Variants in CTNNA2 observed in about 807,000 individuals in gnomAD.
CTNNA2 encodes catenin alpha-2.
A neutral mutation model predicts 101.0 loss-of-function variants in CTNNA2; 42 were observed. That is an observed-to-expected ratio of 0.42 (90% confidence interval 0.32 to 0.54). The LOEUF (loss-of-function observed/expected upper bound fraction) is 0.54. Ranked by LOEUF, CTNNA2 falls within the 20% of genes least tolerant of loss-of-function variation. The pLI, the probability that CTNNA2 is intolerant of heterozygous loss-of-function variation, is 0.14. For synonymous variants in CTNNA2, 450 were observed against 456.4 expected, an observed-to-expected ratio of 0.99 and a Z score of 0.18; for missense variants, 871 against 1,223.1, an observed-to-expected ratio of 0.71 and a Z score of 4.29.
intron 4 of CTNNA2, among the ~76,000 whole-genome samples, chr2:79,409,075 T>A (rs1407810452): frequency 6.6e-6 from 1 of 152,080 alleles, no homozygotes; most frequent in Non-Finnish European, 1.5e-5. Context: ...TTTCATGTGT[T>A]TTTTGGCTGC....
Position 80,555,732 on chromosome 2 carries a change from C to A in CTNNA2, c.1580C>A (p.Ala527Asp), listed in dbSNP as rs773134723. Reference sequence around the variant, plus strand: ...GAGGATGTGAACAAGTGTGTGATAGCCCTCCAAGAGGGCGATGTGGACACT... The same window carrying A: ...GAGGATGTGAACAAGTGTGTGATAGACCTCCAAGAGGGCGATGTGGACACT... The part of the protein sequence containing the change: ...ILEDVNKCVI[A>D]LQEGDVDTLD... The change falls in exon 12 of 19, where the codon GCC becomes GAC. Residue 527 changes from alanine to aspartate, a missense_variant. By Grantham distance (126) the Ala-to-Asp change is moderately radical. Coordinates refer to ENST00000402739, the MANE Select transcript of CTNNA2 (RefSeq NM_001282597.3). 1 of 1,575,960 alleles carries A rather than the reference C, an allele frequency of 6.3e-7. No individual in the cohort carries two copies. The highest frequency in any genetic ancestry group is 8.6e-7 in the Non-Finnish European group (1 of 1,161,012).
intron 1 of CTNNA2, among the ~76,000 whole-genome samples, chr2:79,585,171 G>A (rs900420619): frequency 1.1e-4 from 16 of 151,670 alleles, no homozygotes; most frequent in African/African-American, 3.6e-4. Flanking sequence ...ATTTTCTTCT[G>A]TATATATAAA....
intron 1 of CTNNA2, among the ~76,000 whole-genome samples, chr2:79,629,196 A>G (rs1033257421): frequency 2.4e-4 from 36 of 152,176 alleles, no homozygotes; most frequent in African/African-American, 8.2e-4. Context: ...AGCAAGATAA[A>G]TTGCTGGGAG....
intron 2 of CTNNA2, among the ~76,000 whole-genome samples, chr2:79,289,032 T>G (rs913429330): frequency 1.3e-5 from 2 of 152,362 alleles, no homozygotes; most frequent in African/African-American, 4.8e-5. Context: ...TTTTTGTTTG[T>G]TTCATAATAG....
chr2:79,720,014 T>G (rs1436198672), intron 2 of CTNNA2, among the ~76,000 whole-genome samples: 1 of 152,216 alleles, frequency 6.6e-6, no homozygotes, highest in East Asian at 1.9e-4. Flanking sequence ...TCTAGAATTT[T>G]TATAGTTTGT....
intron 3 of CTNNA2, among the ~76,000 whole-genome samples, chr2:79,807,883 T>G (rs1331647447): frequency 6.6e-6 from 1 of 152,120 alleles, no homozygotes; most frequent in Non-Finnish European, 1.5e-5. Context: ...CGATTTACAT[T>G]TATGAAACTT....
intron 1 of CTNNA2, among the ~76,000 whole-genome samples, chr2:79,632,748 A>G (rs1218080706): frequency 6.6e-6 from 1 of 152,232 alleles, no homozygotes; most frequent in Non-Finnish European, 1.5e-5. Context: ...TGGGGCATCC[A>G]AAATGGCCCC....
In CTNNA2 at chr2:79,673,074, G is replaced by A. The variant is rs114881306; in HGVS notation, c.102+21416G>A. On this transcript the variant is annotated intron_variant, in intron 2 of 18. Transcript: ENST00000402739. ...GTTTATATTGTCAATATTTACCAAT[G>A]ACATTAAATATTCTTCTGTGTGAAT... Among the ~76,000 whole-genome samples, 751 of 152,206 alleles carry A rather than the reference G, an allele frequency of 4.9e-3. 5 individuals are homozygous for A. Among genetic ancestry groups the A allele is most frequent in the African/African-American group, 0.017 (708 of 41,534 alleles).
chr2:79,652,259 A>G lies in CTNNA2; in HGVS notation c.102+601A>G, dbSNP rs1193725807. On this transcript the variant is annotated intron_variant, in intron 2 of 18. Coordinates refer to ENST00000402739, the MANE Select transcript of CTNNA2 (RefSeq NM_001282597.3). ...TGTGATTTTTTTTTTTTTTTTACCA[A>G]ATTATAATAGAGGCATTTGTATTGT... Among the ~76,000 whole-genome samples the G allele has an allele frequency of 3.3e-5, 5 of 149,848 alleles. No individual in the cohort carries two copies. In the East Asian group the frequency reaches 7.8e-4, roughly 23 times the overall value.
chr2:79,572,501 A>G (rs1424606287), intron 1 of CTNNA2, among the ~76,000 whole-genome samples: 4 of 152,068 alleles, frequency 2.6e-5, no homozygotes, highest in Non-Finnish European at 5.9e-5. Flanking sequence ...TGTAATCCCA[A>G]CACTCTCTGG....
chr2:80,386,543 A>G (rs888277158), intron 7 of CTNNA2, among the ~76,000 whole-genome samples: 1 of 152,224 alleles, frequency 6.6e-6, no homozygotes, highest in African/African-American at 2.4e-5. Context: ...CAAAAATGAT[A>G]GTGTGACTGT....
chr2:80,369,580 C>T (rs951043841), intron 7 of CTNNA2, among the ~76,000 whole-genome samples: 3 of 151,978 alleles, frequency 2.0e-5, no homozygotes, highest in Admixed American at 1.3e-4. Context: ...AGGATATCCA[C>T]GTACTAAGTC....
chr2:80,224,118 T>C (rs77789274), intron 7 of CTNNA2, among the ~76,000 whole-genome samples: 2,148 of 152,242 alleles, frequency 0.014, 55 homozygotes, highest in African/African-American at 0.048. Context: ...TGTCTTCTGT[T>C]CTCATGTCCC....
At chr2:79,711,574 C>T (rs1482425290) in intron 2 of CTNNA2, among the ~76,000 whole-genome samples, 1 of 152,014 alleles carries the variant, frequency 6.6e-6, no homozygotes, top group Admixed American at 6.6e-5. Flanking sequence ...ATTTTTTTCT[C>T]ATTTTGTTGC....
intron 4 of CTNNA2, among the ~76,000 whole-genome samples, chr2:79,859,280 G>C (rs1681396910): frequency 6.6e-6 from 1 of 152,014 alleles, no homozygotes; most frequent in Non-Finnish European, 1.5e-5. Flanking sequence ...TTATGAGGAG[G>C]GACCAGGGGA....
chr2:79,548,229 C>G (rs749392810), intron 1 of CTNNA2: 34 of 152,182 alleles, frequency 2.2e-4, no homozygotes, highest in Non-Finnish European at 4.7e-4. Flanking sequence ...AACGGAAATA[C>G]TCTTTAAGTA....
intron 7 of CTNNA2, among the ~76,000 whole-genome samples, chr2:80,056,831 G>A (rs1697244656): frequency 1.3e-5 from 2 of 152,134 alleles, no homozygotes; most frequent in Admixed American, 6.5e-5. Flanking sequence ...GATGTGCATG[G>A]TTGATCCTGG....
intron 1 of CTNNA2, among the ~76,000 whole-genome samples, chr2:79,515,826 T>C (rs1430639): frequency 6.6e-6 from 1 of 151,952 alleles, no homozygotes; most frequent in Non-Finnish European, 1.5e-5. Flanking sequence ...TTAAAAATAC[T>C]TGATACAATA....
chr2:80,325,429 C>T (rs945213864), intron 7 of CTNNA2, among the ~76,000 whole-genome samples: 3 of 152,168 alleles, frequency 2.0e-5, no homozygotes, highest in Non-Finnish European at 4.4e-5. Flanking sequence ...CACTTTTGGT[C>T]TTGGAGGCAA....
Sources: gnomAD v4.1 joint callset for allele counts (sites outside exome capture counted in the v4.1 genomes callset) on GRCh38, gnomAD v4.1.1 for gene constraint, MANE v1.5 for transcripts, NCBI Gene and HGNC (gene_info 2026-07-23, HGNC 2026-07-21) for gene names.